Variants in OTUD7A observed in about 807,000 individuals in gnomAD.
OTUD7A encodes OTU deubiquitinase 7A.
OTUD7A carries 12 observed loss-of-function variants against 65.7 expected under a neutral mutation model. That is an observed-to-expected ratio of 0.18 (90% CI 0.12 to 0.30). OTUD7A has a LOEUF of 0.30. OTUD7A is among the 10% of genes least tolerant of loss of function. OTUD7A has a pLI of 1.00. For missense variants in OTUD7A, 1,148 were observed against 1,304.8 expected (o/e 0.88, Z 1.85); for synonymous variants, 641 against 586.3 (o/e 1.09, Z -1.35).
intron 1 of OTUD7A, among the ~76,000 whole-genome samples, chr15:31,729,907 A>C (rs1364443411): frequency 6.6e-6 from 1 of 151,924 alleles, no homozygotes; most frequent in East Asian, 1.9e-4. Flanking sequence ...ACTGGGTCTC[A>C]TGTGTGCTTT....
chr15:31,811,599 C>G (rs916493939), intron 1 of OTUD7A, among the ~76,000 whole-genome samples: 1 of 151,986 alleles, frequency 6.6e-6, no homozygotes, highest in African/African-American at 2.4e-5. Context: ...GAAAAGGAGA[C>G]AGTGAGAAGC....
In OTUD7A at chr15:31,483,301, C is replaced by T. The variant is rs879575757; in HGVS notation, c.2795G>A (p.Arg932Gln). ...LRRRREARGA[R>Q]P ...CGCGCCGCGCCGCGCCGCTCAGGGCCGGGCCCCGCGCGCCTCGCGCCGCCG... is the reference window on the plus strand; with the variant it reads ...CGCGCCGCGCCGCGCCGCTCAGGGCTGGGCCCCGCGCGCCTCGCGCCGCCG... The change falls in exon 13 of 13, where the codon CGG becomes CAG. Residue 932 changes from arginine to glutamine, a missense_variant. Arg to Gln is a conservative substitution (Grantham distance 43, BLOSUM62 1). This residue lies in a region of OTUD7A where 842 missense variants were observed against 769.5 expected (regional missense o/e 1.09). Coordinates refer to ENST00000307050, the MANE Select transcript of OTUD7A (RefSeq NM_001382637.1). 142 of 1,174,026 alleles carry T rather than the reference C, an allele frequency of 1.2e-4. No homozygotes were observed. Among genetic ancestry groups the T allele is most frequent in the Non-Finnish European group, 1.4e-4 (129 of 949,970 alleles). 72.7% of individuals were successfully genotyped at this position (1,174,026 alleles called of 1,614,324 possible).
At chr15:31,590,335 C>T (rs930398890) in intron 3 of OTUD7A, among the ~76,000 whole-genome samples, 1 of 152,180 alleles carries the variant, frequency 6.6e-6, no homozygotes, top group Non-Finnish European at 1.5e-5. Context: ...TTACCAATCA[C>T]ATGTCTCATA....
chr15:31,611,872 C>G (rs971047501), intron 3 of OTUD7A, among the ~76,000 whole-genome samples: 1 of 152,162 alleles, frequency 6.6e-6, no homozygotes, highest in African/African-American at 2.4e-5. Context: ...GACCGATATC[C>G]TTGCTGAACA....
chr15:31,796,587 G>T (rs1244473184), intron 1 of OTUD7A, among the ~76,000 whole-genome samples: 3 of 152,224 alleles, frequency 2.0e-5, no homozygotes, highest in African/African-American at 7.2e-5. Flanking sequence ...GGTCTAGCCA[G>T]ATTGAAACAA....
intron 1 of OTUD7A, among the ~76,000 whole-genome samples, chr15:31,725,095 C>T (rs1409446031): frequency 1.3e-5 from 2 of 152,140 alleles, no homozygotes; most frequent in Admixed American, 6.5e-5. Context: ...CCAGAGCCCC[C>T]CACATGACTA....
intron 3 of OTUD7A, among the ~76,000 whole-genome samples, chr15:31,624,210 C>T (rs2141240801): frequency 6.6e-6 from 1 of 152,306 alleles, no homozygotes; most frequent in South Asian, 2.1e-4. Flanking sequence ...ATTAGTCTGA[C>T]CATTATGATT....
chr15:31,616,238 T>G (rs1037971575), intron 3 of OTUD7A, among the ~76,000 whole-genome samples: 1 of 152,176 alleles, frequency 6.6e-6, no homozygotes, highest in African/African-American at 2.4e-5. Flanking sequence ...TTGCTGTCTA[T>G]GTAAGTAATA....
At chr15:31,593,038 T>C (rs1327261720) in intron 3 of OTUD7A, among the ~76,000 whole-genome samples, 2 of 148,916 alleles carry the variant, frequency 1.3e-5, no homozygotes, top group African/African-American at 2.5e-5. Context: ...CATAAACCCA[T>C]TACATAGTCA....
At chr15:31,533,066 A>C (rs1257034198) in intron 5 of OTUD7A, among the ~76,000 whole-genome samples, 1 of 152,048 alleles carries the variant, frequency 6.6e-6, no homozygotes, top group Non-Finnish European at 1.5e-5. Context: ...AAAAAAACCC[A>C]TAGAAACTCA....
intron 1 of OTUD7A, among the ~76,000 whole-genome samples, chr15:31,750,906 C>T (rs781177264): frequency 3.3e-5 from 5 of 152,060 alleles, no homozygotes; most frequent in African/African-American, 7.2e-5. Flanking sequence ...CCCTCCCTAT[C>T]GCCATATAAA....
At chr15:31,533,927 G>T (rs181428326) in intron 5 of OTUD7A, among the ~76,000 whole-genome samples, 150 of 152,252 alleles carry the variant, frequency 9.9e-4, no homozygotes, top group African/African-American at 3.6e-3. Context: ...GGCAGGTAAG[G>T]TTTATATGCT....
intron 3 of OTUD7A, among the ~76,000 whole-genome samples, chr15:31,582,262 T>A (rs1193892325): frequency 6.6e-6 from 1 of 152,170 alleles, no homozygotes; most frequent in African/African-American, 2.4e-5. Flanking sequence ...AGCATTTTGG[T>A]CAAAGCCATT....
chr15:31,742,126 C>G (rs187252649), intron 1 of OTUD7A, among the ~76,000 whole-genome samples: 7 of 151,762 alleles, frequency 4.6e-5, no homozygotes, highest in African/African-American at 9.7e-5. Flanking sequence ...GTTTTCTCAA[C>G]AAATAAAGAA....
chr15:31,530,581 G>A (rs2042072903), intron 6 of OTUD7A, 126 bp downstream of exon 6: 3 of 841,572 alleles, frequency 3.6e-6, no homozygotes, highest in Non-Finnish European at 3.6e-6. Context: ...ACTTTCTCAT[G>A]ACAGTGACAT....
rs375523445 is a variant in OTUD7A at position 31,741,923 on chromosome 15, G to T, written c.-99-84846C>A. 3.3e-4 allele frequency among the ~76,000 whole-genome samples: 50 copies of T among 152,072 alleles called. No homozygotes were observed. In the South Asian group the frequency reaches 0.01, roughly 31 times the overall value. On this transcript the variant is annotated intron_variant, in intron 1 of 12. Transcript: ENST00000307050. ...CTTATGAAAAGAATAATAATATTGA[G>T]AACCTCTAAAAATAATTCTATGCAA...
At chr15:31,585,783 C>T (rs1889516806) in intron 3 of OTUD7A, among the ~76,000 whole-genome samples, 1 of 152,132 alleles carries the variant, frequency 6.6e-6, no homozygotes, top group Non-Finnish European at 1.5e-5. Context: ...TAGGTGTCTA[C>T]AGACCACTAT....
intron 1 of OTUD7A, among the ~76,000 whole-genome samples, chr15:31,746,655 C>A (rs1342333323): frequency 2.0e-5 from 3 of 152,014 alleles, no homozygotes; most frequent in Non-Finnish European, 4.4e-5. Flanking sequence ...CGCCACCACA[C>A]CAGGCTAATT....
At chr15:31,741,540 GTAAAATGAA>G (rs1894344882) in intron 1 of OTUD7A, among the ~76,000 whole-genome samples, 1 of 151,934 alleles carries the variant, frequency 6.6e-6, no homozygotes, top group African/African-American at 2.4e-5. Flanking sequence ...AGAAACGTAA[GTAAAATGAA>G]TACAATCTGC....
Sources: allele counts gnomAD v4.1 joint callset (sites outside exome capture counted in the v4.1 genomes callset), GRCh38; gene constraint gnomAD v4.1.1; regional missense constraint gnomAD v4.1.1; transcripts MANE v1.5; gene names NCBI Gene and HGNC (gene_info 2026-07-23, HGNC 2026-07-21).